NMBR: variants seen among roughly 807,000 people sequenced by gnomAD.
NMBR encodes the protein neuromedin-B receptor.
A neutral mutation model predicts 20.5 loss-of-function variants in NMBR; 16 were observed. The ratio of observed to expected loss-of-function variants is 0.78; its 90% CI spans 0.53 to 1.19. The LOEUF is 1.19. Ranked by LOEUF, NMBR falls within the 50% of genes most tolerant of loss-of-function variation. NMBR has a pLI of 0.00. For missense variants in NMBR, 582 were observed against 499.1 expected (o/e 1.17, Z -1.58); for synonymous variants, 212 against 196.6 (o/e 1.08, Z -0.65).
intron 1 of NMBR, chr6:142,134,166 T>C (rs1473790746): frequency 3.6e-5 from 18 of 497,966 alleles, no homozygotes; most frequent in Non-Finnish European, 5.7e-5. Flanking sequence ...ACTTTTTCTT[T>C]AATTAGCTGT....
intron 1 of NMBR, among the ~76,000 whole-genome samples, chr6:142,123,767 T>C (rs1324207390): frequency 6.6e-6 from 1 of 151,894 alleles, no homozygotes; most frequent in Non-Finnish European, 1.5e-5. Context: ...CAAAAAGCAA[T>C]CATAGACAAT....
chr6:142,100,343 G>A (rs1167381246), intron 1 of NMBR, among the ~76,000 whole-genome samples: 1 of 152,098 alleles, frequency 6.6e-6, no homozygotes. Context: ...AATAAACGGT[G>A]GTACAACCAG....
At chr6:142,123,672 C>T (rs1777983858) in intron 1 of NMBR, among the ~76,000 whole-genome samples, 1 of 151,868 alleles carries the variant, frequency 6.6e-6, no homozygotes, top group Non-Finnish European at 1.5e-5. Flanking sequence ...CGAGACCCTC[C>T]ACGGTGAAAA....
intron 1 of NMBR, among the ~76,000 whole-genome samples, chr6:142,104,217 TG>T (rs2114583440): frequency 6.6e-6 from 1 of 152,326 alleles, no homozygotes; most frequent in South Asian, 2.1e-4. Context: ...CAAGGAAATG[TG>T]GTCATTTCTG....
At position 142,119,610 on chromosome 6, in the gene NMBR, G is replaced by A. The variant is rs559115888; in HGVS notation, c.-664+27434C>T. Among the ~76,000 whole-genome samples, 3 of 151,998 alleles carry A rather than the reference G, an allele frequency of 2.0e-5. No homozygotes were observed. The South Asian group carries it at 6.2e-4, about 31-fold the overall frequency. On this transcript the variant is annotated intron_variant, in intron 1 of 3. Transcript: ENST00000258042. ...ATTTTATGTTAATTTGGTATTTACA[G>A]TCTAGATACTATGCTAAATACTTTA...
chr6:142,130,587 T>G (rs1256334478), intron 1 of NMBR, among the ~76,000 whole-genome samples: 1 of 152,106 alleles, frequency 6.6e-6, no homozygotes, highest in Non-Finnish European at 1.5e-5. Flanking sequence ...GTATATTAAA[T>G]CTATTACACA....
rs140808776 is a variant in NMBR at position 142,118,158 on chromosome 6, A to C, written c.-663-28837T>G. 2.0e-5 allele frequency among the ~76,000 whole-genome samples: 3 copies of C among 152,132 alleles called. No individual in the cohort carries two copies. The East Asian group carries it at 5.8e-4, about 29-fold the overall frequency. On this transcript the variant is annotated intron_variant, in intron 1 of 3. Coordinates refer to ENST00000258042, the MANE Select transcript of NMBR (RefSeq NM_002511.4). The stretch of plus-strand genomic sequence containing the variant: ...ATTTTCCTACCAATAAATCTAATTG[A>C]TCCAGTTCTGGTGCCATAATGTTCA...
chr6:142,098,216 A>T (rs1777496811), intron 1 of NMBR, among the ~76,000 whole-genome samples: 1 of 152,074 alleles, frequency 6.6e-6, no homozygotes, highest in Non-Finnish European at 1.5e-5. Context: ...CAGAAGAAAC[A>T]CAAAGAAAAA....
chr6:142,120,400 C>A (rs1217678979), intron 1 of NMBR, among the ~76,000 whole-genome samples: 1 of 151,822 alleles, frequency 6.6e-6, no homozygotes, highest in African/African-American at 2.4e-5. Flanking sequence ...AACCAGAGAT[C>A]AATGTTGGAG....
intron 2 of NMBR, among the ~76,000 whole-genome samples, chr6:142,085,142 G>A (rs1188527368): frequency 6.6e-6 from 1 of 152,106 alleles, no homozygotes; most frequent in Non-Finnish European, 1.5e-5. Flanking sequence ...GTGCCTCTGA[G>A]GCATGACTGC....
intron 1 of NMBR, among the ~76,000 whole-genome samples, chr6:142,129,423 A>T (rs946241919): frequency 6.6e-6 from 1 of 152,150 alleles, no homozygotes; most frequent in African/African-American, 2.4e-5. Flanking sequence ...TAAAAATTTT[A>T]GGGCTAAAAG....
intron 1 of NMBR, among the ~76,000 whole-genome samples, chr6:142,095,986 G>A (rs1461815920): frequency 2.0e-5 from 3 of 151,840 alleles, no homozygotes; most frequent in Non-Finnish European, 2.9e-5. Flanking sequence ...TTTCTGTGGG[G>A]TTGGTGGTGA....
At chr6:142,078,512 T>C (rs56231954) in intron 3 of NMBR, 43 bp downstream of exon 3, 6 of 1,100,706 alleles carry the variant, frequency 5.5e-6, no homozygotes, top group Non-Finnish European at 7.9e-6. Context: ...TAGCAGTTAC[T>C]TGTTCTGACC....
rs529653248 is a variant in NMBR, at chr6:142,078,789, C to A, written c.537G>T (p.Ala179=). 2 of 1,613,668 alleles carry A rather than the reference C, an allele frequency of 1.2e-6. No homozygotes were observed. The highest frequency in any genetic ancestry group is 4.5e-5 in the East Asian group (2 of 44,850). ...TGATGCGAGCCACTTCTGAAAACAC[C>A]GCTTCGGGAACTGCCAGCAACACGG... is the stretch of plus-strand genomic sequence containing the variant. ...VVSVLLAVPE[A]VFSEVARISS... is the part of the protein sequence containing the mutation. Residue 179 remains alanine, a synonymous_variant, in exon 3 of 4, where the codon GCG becomes GCT. Coordinates refer to ENST00000258042, the MANE Select transcript of NMBR (RefSeq NM_002511.4).
At position 142,088,437 on chromosome 6, in the gene NMBR, C is replaced by T; in HGVS notation, c.222G>A (p.Met74Ile). ...AGATGAAGATGTTGGGGACGCTCCT[C>T]ATGGCGCTGTTGGTGATGAAGATCT... ...LVKIFITNSA[M>I]RSVPNIFISN... is the part of the protein sequence containing the mutation. Residue 74 changes from methionine (M) to isoleucine (I), a missense_variant, in exon 2 of 4, where the codon ATG becomes ATA. Physicochemically the swap from Met to Ile is conservative, Grantham distance 10. Transcript: ENST00000258042. 6.2e-7 allele frequency: 1 copy of T among 1,614,070 alleles called. No homozygotes were observed. The highest frequency in any genetic ancestry group is 8.5e-7 in the Non-Finnish European group (1 of 1,180,002).
chr6:142,124,158 C>T (rs556422839), intron 1 of NMBR, among the ~76,000 whole-genome samples: 1 of 151,858 alleles, frequency 6.6e-6, no homozygotes, highest in East Asian at 2.0e-4. Flanking sequence ...TTATTGAAAA[C>T]AAACCCACAG....
chr6:142,094,583 G>A (rs1349583292), intron 1 of NMBR, among the ~76,000 whole-genome samples: 1 of 152,132 alleles, frequency 6.6e-6, no homozygotes, highest in Non-Finnish European at 1.5e-5. Flanking sequence ...GTCAGGTAAG[G>A]TGATGCCTGC....
intron 2 of NMBR, among the ~76,000 whole-genome samples, chr6:142,088,009 G>GT (rs200344526): frequency 4.0e-4 from 61 of 151,956 alleles, no homozygotes; most frequent in Admixed American, 2.4e-3. Context: ...AATTTTAATT[G>GT]TTTTTTTTAA....
chr6:142,134,881 G>C (rs1027065639), intron 1 of NMBR: 16 of 622,314 alleles, frequency 2.6e-5, no homozygotes, highest in Non-Finnish European at 4.0e-5. Context: ...TGAGATTTTT[G>C]AGATCATATT....
Sources: allele counts gnomAD v4.1 joint callset (sites outside exome capture counted in the v4.1 genomes callset), GRCh38; gene constraint gnomAD v4.1.1; transcripts MANE v1.5; gene names NCBI Gene and HGNC (gene_info 2026-07-23, HGNC 2026-07-21).